The following PTPRD variants were observed in gnomAD, a reference collection of about 807,000 sequenced individuals.
The protein encoded by PTPRD is receptor-type tyrosine-protein phosphatase delta.
In PTPRD, 34 loss-of-function variants were observed where a neutral mutation model predicts 214.5. The ratio of observed to expected loss-of-function variants is 0.16; its 90% confidence interval spans 0.12 to 0.21. The LOEUF (loss-of-function observed/expected upper bound fraction) is 0.21, where lower values mean the gene tolerates loss of function less well. Among genes scored for constraint, PTPRD ranks in the 10% least tolerant of loss-of-function variants. PTPRD has a pLI of 1.00. For synonymous variants in PTPRD, 1,128 were observed against 845.7 expected (o/e 1.33, Z -5.79); for missense variants, 2,545 against 2,398.7 (o/e 1.06, Z -1.27).
At chr9:10,397,351 A>G (rs2098190867) in intron 2 of PTPRD, among the ~76,000 whole-genome samples, 1 of 152,016 alleles carries the variant, frequency 6.6e-6, no homozygotes, top group Admixed American at 6.6e-5. Flanking sequence ...GTGTCCCAGC[A>G]AGTAACTAGG....
At chr9:10,525,944 C>T (rs1218278430) in intron 2 of PTPRD, among the ~76,000 whole-genome samples, 2 of 151,984 alleles carry the variant, frequency 1.3e-5, no homozygotes, top group African/African-American at 4.8e-5. Flanking sequence ...AGTTACTAAC[C>T]TCATGCGGTT....
chr9:9,799,229 G>A (rs1289913487), intron 5 of PTPRD, among the ~76,000 whole-genome samples: 2 of 152,124 alleles, frequency 1.3e-5, no homozygotes, highest in African/African-American at 4.8e-5. Flanking sequence ...AATAGATTAG[G>A]TTGAGATAAT....
At chr9:8,658,685 A>T (rs1032977344) in intron 12 of PTPRD, among the ~76,000 whole-genome samples, 16 of 151,336 alleles carry the variant, frequency 1.1e-4, no homozygotes, top group African/African-American at 3.9e-4. Flanking sequence ...AAAAAAAAAA[A>T]AAAGGTGAAG....
chr9:8,509,908 T>C (rs1300873347), intron 21 of PTPRD, among the ~76,000 whole-genome samples: 1 of 152,174 alleles, frequency 6.6e-6, no homozygotes, highest in African/African-American at 2.4e-5. Flanking sequence ...CTTCATCTAA[T>C]GTACAGGGGG....
At chr9:10,403,033 G>C (rs1940215625) in intron 2 of PTPRD, among the ~76,000 whole-genome samples, 1 of 150,982 alleles carries the variant, frequency 6.6e-6, no homozygotes, top group African/African-American at 2.4e-5. Context: ...CTCAGCCTAG[G>C]TTCCCCACAT....
At chr9:9,315,833 CT>C (rs566821610) in intron 9 of PTPRD, among the ~76,000 whole-genome samples, 1,070 of 93,316 alleles carry the variant, frequency 0.011, 9 homozygotes, top group African/African-American at 0.032. Flanking sequence ...TAGCAGACAA[CT>C]TTTTTTTTTT....
chr9:8,625,916 A>T lies in PTPRD; in HGVS notation c.352+7401T>A, dbSNP rs775771991. ...CTATCTTTAACAAAACATATTAAGA[A>T]TATGGGATGTGTGTCATCATAGTTG... On this transcript the variant is annotated intron_variant, in intron 14 of 45. Transcript: ENST00000381196. 2.0e-5 allele frequency among the ~76,000 whole-genome samples: 3 copies of T among 151,736 alleles called. No individual in the cohort carries two copies. In the South Asian group the frequency reaches 6.2e-4, roughly 31 times the overall value.
chr9:9,332,079 G>A (rs972170519), intron 9 of PTPRD, among the ~76,000 whole-genome samples: 4 of 152,006 alleles, frequency 2.6e-5, no homozygotes, highest in African/African-American at 9.7e-5. Context: ...ATGTAGAGGT[G>A]AGGAGGATCA....
At chr9:9,770,797 T>G (rs2098745936) in intron 5 of PTPRD, among the ~76,000 whole-genome samples, 1 of 152,114 alleles carries the variant, frequency 6.6e-6, no homozygotes, top group Non-Finnish European at 1.5e-5. Context: ...ACAGATGGAT[T>G]TCTAGAGCCA....
Position 9,671,627 on chromosome 9 carries a change from G to A in PTPRD, c.-287+62906C>T, listed in dbSNP as rs1437479254. Among the ~76,000 whole-genome samples the A allele has an allele frequency of 3.3e-5, 5 of 152,054 alleles. No individual in the cohort carries two copies. The East Asian group carries it at 5.8e-4, about 18-fold the overall frequency. ...GACCCAGTGGGAGATAATTTGAATCGTGAGGGCAGTTTCCCCCATACTGTT... is the reference window on the plus strand; with the variant it reads ...GACCCAGTGGGAGATAATTTGAATCATGAGGGCAGTTTCCCCCATACTGTT... On this transcript the variant is annotated intron_variant, in intron 7 of 45. Coordinates refer to ENST00000381196, the MANE Select transcript of PTPRD (RefSeq NM_002839.4).
intron 10 of PTPRD, among the ~76,000 whole-genome samples, chr9:9,040,163 A>C (rs2078329163): frequency 6.6e-6 from 1 of 152,166 alleles, no homozygotes. Flanking sequence ...GGGCTATGAA[A>C]CTCAAGTTTA....
chr9:10,180,855 G>T (rs1483356730), intron 3 of PTPRD, among the ~76,000 whole-genome samples: 2 of 151,958 alleles, frequency 1.3e-5, no homozygotes, highest in Admixed American at 1.3e-4. Context: ...ATGATTTTAT[G>T]AAGTTAAAAA....
intron 9 of PTPRD, among the ~76,000 whole-genome samples, chr9:9,235,500 G>C (rs1424764768): frequency 1.3e-5 from 2 of 152,100 alleles, no homozygotes; most frequent in Non-Finnish European, 2.9e-5. Flanking sequence ...CATTCTGAAG[G>C]CTCTCATGTT....
At chr9:10,596,911 A>T in intron 2 of PTPRD, among the ~76,000 whole-genome samples, 1 of 151,624 alleles carries the variant, frequency 6.6e-6, no homozygotes, top group Non-Finnish European at 1.5e-5. Flanking sequence ...ACCAAGTCTT[A>T]GGTAGTATAT....
intron 39 of PTPRD, among the ~76,000 whole-genome samples, chr9:8,350,818 G>T (rs890248442): frequency 6.6e-6 from 1 of 151,866 alleles, no homozygotes; most frequent in Non-Finnish European, 1.5e-5. Flanking sequence ...TCATTGATAC[G>T]CAGTCAAATT....
chr9:8,903,152 T>A (rs1225432221), intron 11 of PTPRD, among the ~76,000 whole-genome samples: 2 of 152,136 alleles, frequency 1.3e-5, no homozygotes, highest in Admixed American at 6.5e-5. Flanking sequence ...TATTCTTTTT[T>A]TTTTTAATTC....
At chr9:10,158,786 C>T (rs2099109558) in intron 3 of PTPRD, among the ~76,000 whole-genome samples, 1 of 152,164 alleles carries the variant, frequency 6.6e-6, no homozygotes, top group Non-Finnish European at 1.5e-5. Flanking sequence ...GGGCAACCAG[C>T]CTCCTCAGTA....
intron 39 of PTPRD, among the ~76,000 whole-genome samples, chr9:8,371,644 G>A (rs1022162417): frequency 3.9e-5 from 6 of 152,108 alleles, no homozygotes; most frequent in Non-Finnish European, 7.4e-5. Context: ...AAACTGGATA[G>A]TGCATTCCAG....
At chr9:8,730,101 A>G (rs941984445) in intron 12 of PTPRD, among the ~76,000 whole-genome samples, 2 of 152,108 alleles carry the variant, frequency 1.3e-5, no homozygotes, top group Non-Finnish European at 1.5e-5. Context: ...CTAAATATAC[A>G]GAAAATTAGC....
Sources: allele counts gnomAD v4.1 joint callset (sites outside exome capture counted in the v4.1 genomes callset), GRCh38; gene constraint gnomAD v4.1.1; transcripts MANE v1.5; gene names NCBI Gene and HGNC (gene_info 2026-07-23, HGNC 2026-07-21).